Variants in IMMP2L observed in about 807,000 individuals in gnomAD.
The protein encoded by IMMP2L is inner mitochondrial membrane peptidase subunit 2.
Under a neutral mutation model 19.3 loss-of-function variants are expected in IMMP2L, and 18 were observed. That is an observed-to-expected ratio of 0.93 (90% confidence interval 0.64 to 1.38). IMMP2L has a LOEUF of 1.38. Among genes scored for constraint, IMMP2L ranks in the 40% most tolerant of loss-of-function variants. The pLI is 0.00. For synonymous variants in IMMP2L, 76 were observed against 73.0 expected (o/e 1.04, Z -0.21); for missense variants, 233 against 218.2 (o/e 1.07, Z -0.43).
At chr7:111,035,958 C>A (rs936924614) in intron 3 of IMMP2L, among the ~76,000 whole-genome samples, 8 of 152,076 alleles carry the variant, frequency 5.3e-5, no homozygotes, top group African/African-American at 1.9e-4. Flanking sequence ...CAGTACTTAC[C>A]TCACAAAGTT....
intron 5 of IMMP2L, among the ~76,000 whole-genome samples, chr7:110,697,947 G>A (rs1235746745): frequency 1.3e-5 from 2 of 152,148 alleles, no homozygotes; most frequent in Non-Finnish European, 2.9e-5. Flanking sequence ...AATAGTTTGA[G>A]AGACTTAAAT....
At chr7:110,731,672 C>T (rs1796284703) in intron 5 of IMMP2L, among the ~76,000 whole-genome samples, 1 of 152,054 alleles carries the variant, frequency 6.6e-6, no homozygotes, top group Non-Finnish European at 1.5e-5. Context: ...TGAAAAAATG[C>T]CATTAAATAT....
intron 3 of IMMP2L, among the ~76,000 whole-genome samples, chr7:111,476,407 G>C (rs191132260): frequency 2.0e-4 from 31 of 152,234 alleles, no homozygotes; most frequent in Admixed American, 3.9e-4. Context: ...CGTGGTTTTA[G>C]AACTGTTTGT....
At chr7:111,536,323 T>C (rs935138238) in intron 1 of IMMP2L, among the ~76,000 whole-genome samples, 3 of 152,070 alleles carry the variant, frequency 2.0e-5, no homozygotes, top group Admixed American at 6.5e-5. Context: ...TTGGGGTTTT[T>C]TTGAAACAAG....
intron 3 of IMMP2L, among the ~76,000 whole-genome samples, chr7:111,205,323 C>T (rs1810580437): frequency 1.3e-5 from 2 of 152,152 alleles, no homozygotes; most frequent in African/African-American, 4.8e-5. Context: ...TTCTGGGGGA[C>T]ATATTCAGCC....
At chr7:110,931,087 TG>T (rs1815429185) in intron 4 of IMMP2L, among the ~76,000 whole-genome samples, 1 of 151,880 alleles carries the variant, frequency 6.6e-6, no homozygotes, top group Non-Finnish European at 1.5e-5. Flanking sequence ...ATGACTGAAG[TG>T]GGGGATGAGA....
At position 111,124,100 on chromosome 7, in the gene IMMP2L, A is replaced by T. The variant is rs1204889970; in HGVS notation, c.240-160535T>A. On this transcript the variant is annotated intron_variant, in intron 3 of 5. Transcript: ENST00000405709. ...GAAGCTGGGAGCTATGTTTCCTTTC[A>T]CTGTAGAGCTACTGCAGAACCACAG... is the stretch of plus-strand genomic sequence containing the variant. 6.2e-7 allele frequency: 1 copy of T among 1,613,980 alleles called. No homozygotes were observed. Among genetic ancestry groups the T allele is most frequent in the East Asian group, 2.2e-5 (1 of 44,874 alleles).
chr7:111,175,933 C>T (rs926365613), intron 3 of IMMP2L, among the ~76,000 whole-genome samples: 3 of 151,532 alleles, frequency 2.0e-5, no homozygotes, highest in Non-Finnish European at 4.4e-5. Flanking sequence ...AGGAAAAAAT[C>T]CAATAATCTG....
At chr7:111,542,323 CTT>C (rs1000059669) in intron 1 of IMMP2L, among the ~76,000 whole-genome samples, 4 of 152,144 alleles carry the variant, frequency 2.6e-5, no homozygotes, top group East Asian at 3.9e-4. Context: ...AGAATATACA[CTT>C]TGTGTTGATT....
chr7:111,334,367 C>T (rs145290381), intron 3 of IMMP2L, among the ~76,000 whole-genome samples: 1,612 of 152,094 alleles, frequency 0.011, 30 homozygotes, highest in African/African-American at 0.036. Context: ...CCTTCTGTTT[C>T]ATCCACGTTG....
chr7:110,998,130 G>A (rs1464746220), intron 3 of IMMP2L, among the ~76,000 whole-genome samples: 1 of 152,076 alleles, frequency 6.6e-6, no homozygotes, highest in African/African-American at 2.4e-5. Context: ...ATATCTGGCT[G>A]GATGGTTCCC....
Position 110,763,184 on chromosome 7 carries a change from G to C in IMMP2L, c.409-99463C>G, listed in dbSNP as rs867235839. Among the ~76,000 whole-genome samples the C allele has an allele frequency of 2.0e-5, 3 of 152,250 alleles. 1 individual carries two copies. The South Asian group carries it at 6.2e-4, about 32-fold the overall frequency. Reference sequence around the variant, plus strand: ...GAAATCTTGAGAGGTTACTGAGAGTGGGGGAAGGAAAATGGAGTCAAGTGA... The same window carrying C: ...GAAATCTTGAGAGGTTACTGAGAGTCGGGGAAGGAAAATGGAGTCAAGTGA... On this transcript the variant is annotated intron_variant, in intron 5 of 5. Coordinates refer to ENST00000405709, the MANE Select transcript of IMMP2L (RefSeq NM_032549.4).
At chr7:111,250,378 G>A (rs37731) in intron 3 of IMMP2L, among the ~76,000 whole-genome samples, 92,810 of 151,964 alleles carry the variant, frequency 0.61, 30,239 homozygotes, top group African/African-American at 0.85. Context: ...GACCATTGAC[G>A]TTTTTCACAG....
chr7:111,493,914 G>A (rs1284408216), intron 2 of IMMP2L, among the ~76,000 whole-genome samples: 1 of 151,322 alleles, frequency 6.6e-6, no homozygotes, highest in African/African-American at 2.4e-5. Context: ...GCAGGAGAAT[G>A]GCGTGAACCC....
intron 3 of IMMP2L, among the ~76,000 whole-genome samples, chr7:111,362,351 A>G (rs1829340231): frequency 1.3e-5 from 2 of 152,116 alleles, no homozygotes; most frequent in African/African-American, 2.4e-5. Flanking sequence ...TGTAATGTTC[A>G]AACTAAGAAA....
chr7:111,209,747 C>A (rs543544654), intron 3 of IMMP2L, among the ~76,000 whole-genome samples: 16 of 152,170 alleles, frequency 1.1e-4, no homozygotes, highest in Non-Finnish European at 2.1e-4. Context: ...TAAAATAACT[C>A]TTCTTTGTTA....
chr7:111,352,805 C>T (rs577173552), intron 3 of IMMP2L, among the ~76,000 whole-genome samples: 3 of 152,070 alleles, frequency 2.0e-5, no homozygotes, highest in Non-Finnish European at 4.4e-5. Context: ...TTTGTGTGAT[C>T]GGGTTTTCAG....
In IMMP2L at chr7:111,512,186, T is replaced by A. The variant is rs377408127; in HGVS notation, c.135+9127A>T. ...TGTGGTATATTCATACAGAGAATAC[T>A]TTTTGCAATAAACAGACACAAAATG... On this transcript the variant is annotated intron_variant, in intron 2 of 5. Coordinates refer to ENST00000405709, the MANE Select transcript of IMMP2L (RefSeq NM_032549.4). Among the ~76,000 whole-genome samples, 265 of 152,272 alleles carry A rather than the reference T, an allele frequency of 1.7e-3. 1 individual carries two copies. The highest frequency in any genetic ancestry group is 6.3e-3 in the African/African-American group (260 of 41,548).
At chr7:111,204,482 T>G (rs972323407) in intron 3 of IMMP2L, among the ~76,000 whole-genome samples, 2 of 152,282 alleles carry the variant, frequency 1.3e-5, no homozygotes, top group East Asian at 3.9e-4. Flanking sequence ...ATAATGCCAG[T>G]TGATCTATAT....
Sources: gnomAD v4.1 joint callset for allele counts (sites outside exome capture counted in the v4.1 genomes callset) on GRCh38, gnomAD v4.1.1 for gene constraint, MANE v1.5 for transcripts, NCBI Gene and HGNC (gene_info 2026-07-23, HGNC 2026-07-21) for gene names.